The following BPTF variants were observed in gnomAD, a reference collection of about 807,000 sequenced individuals.
The protein encoded by BPTF is bromodomain PHD finger transcription factor.
BPTF carries 18 observed loss-of-function variants against 292.5 expected under a neutral mutation model. The ratio of observed to expected loss-of-function variants is 0.06; its 90% confidence interval spans 0.04 to 0.09. The LOEUF (loss-of-function observed/expected upper bound fraction) is 0.09, where lower values mean the gene tolerates loss of function less well. Ranked by LOEUF, BPTF falls within the 10% of genes least tolerant of loss-of-function variation. The pLI, the probability that BPTF is intolerant of heterozygous loss-of-function variation, is 1.00. For synonymous variants in BPTF, 1,225 were observed against 1,251.9 expected (o/e 0.98, Z 0.45); for missense variants, 2,726 against 3,498.7 (o/e 0.78, Z 5.57).
At chr17:67,840,517 C>G (rs1222037855) in intron 1 of BPTF, among the ~76,000 whole-genome samples, 2 of 151,788 alleles carry the variant, frequency 1.3e-5, no homozygotes, top group Admixed American at 1.3e-4. Context: ...CTCCTCCCCC[C>G]TTCCCCCTTT....
chr17:67,904,559 C>T, intron 8 of BPTF, 143 bp from the exon 9 acceptor site: 4 of 552,154 alleles, frequency 7.2e-6, no homozygotes, highest in Non-Finnish European at 1.2e-5. Context: ...TTTTTTTGTC[C>T]CCACTTGGAA....
Position 67,919,985 on chromosome 17 carries a change from T to TATTGAGTATTTCAGTTA in BPTF, c.5429-27_5429-26insGAGTATTTCAGTTAATT, listed in dbSNP as rs779255460. The TATTGAGTATTTCAGTTA allele has an allele frequency of 1.6e-5, 25 of 1,586,016 alleles. No homozygotes were observed. The African/African-American group carries it at 3.3e-4, about 21-fold the overall frequency. On this transcript the variant is annotated intron_variant, in intron 12 of 27. Transcript: ENST00000306378. Reference sequence around the variant, plus strand: ...TTAGTCTCTGAGTATTTCAGTTGGTTATTAATACTATTGAATTAAATCACC... The same window carrying TATTGAGTATTTCAGTTA: ...TTAGTCTCTGAGTATTTCAGTTGGTTATTGAGTATTTCAGTTAATTAATACTATTGAATTAAATCACC...
intron 23 of BPTF, among the ~76,000 whole-genome samples, chr17:67,949,436 G>T (rs139428019): frequency 6.6e-6 from 1 of 151,698 alleles, no homozygotes; most frequent in Admixed American, 6.6e-5. Context: ...TTAGCTGGGC[G>T]TGGTGGCAGG....
chr17:67,914,581 C>T (rs148549917), intron 11 of BPTF, among the ~76,000 whole-genome samples: 1 of 152,312 alleles, frequency 6.6e-6, no homozygotes, highest in Non-Finnish European at 1.5e-5. Context: ...TTCTTTCCCA[C>T]TGGAAAAGTT....
chr17:67,848,423 C>T (rs2058183746), intron 1 of BPTF, among the ~76,000 whole-genome samples: 1 of 152,110 alleles, frequency 6.6e-6, no homozygotes, highest in Admixed American at 6.6e-5. Flanking sequence ...TAATTGTGCT[C>T]ACGCTGTCAT....
chr17:67,880,332 A>T (rs1329918831), intron 4 of BPTF, among the ~76,000 whole-genome samples: 1 of 151,698 alleles, frequency 6.6e-6, no homozygotes, highest in Non-Finnish European at 1.5e-5. Flanking sequence ...TTGTACTTTT[A>T]TGGATTTTCT....
chr17:67,926,922 T>TC (rs1298431299), intron 15 of BPTF, among the ~76,000 whole-genome samples: 1 of 151,998 alleles, frequency 6.6e-6, no homozygotes, highest in African/African-American at 2.4e-5. Context: ...TTTTTTTTTT[T>TC]CTTTCTTTTT....
intron 2 of BPTF, among the ~76,000 whole-genome samples, chr17:67,861,084 T>C (rs2145266119): frequency 6.6e-6 from 1 of 152,302 alleles, no homozygotes; most frequent in African/African-American, 2.4e-5. Context: ...AAACTCATCG[T>C]TTCCCCCCAT....
At position 67,854,714 on chromosome 17, in the gene BPTF, A is replaced by G. The variant is rs373529800; in HGVS notation, c.1388A>G (p.Tyr463Cys). The G allele has an allele frequency of 9.9e-6, 16 of 1,614,240 alleles. No individual in the cohort carries two copies. Among genetic ancestry groups the G allele is most frequent in the Non-Finnish European group, 1.3e-5 (15 of 1,180,040 alleles). ...TATATTCGACATGAACCTATTGGATATGATAGAAGTCGGAGGAAATACTGG... is the reference window on the plus strand; with the variant it reads ...TATATTCGACATGAACCTATTGGATGTGATAGAAGTCGGAGGAAATACTGG... ...KPYIRHEPIGYDRSRRKYWFL... is the reference protein window; with the variant it reads ...KPYIRHEPIGCDRSRRKYWFL... Residue 463 changes from tyrosine to cysteine, a missense_variant, in exon 2 of 28, where the codon TAT (tyrosine) becomes TGT (cysteine). Transcript: ENST00000306378. This position sits in a 1 kb window ranked among gnomAD's most constrained non-coding sequence, Gnocchi z 5.6.
In BPTF at chr17:67,939,084, A is replaced by G. The variant is rs145670702; in HGVS notation, c.6260-1355A>G. Among the ~76,000 whole-genome samples the G allele has an allele frequency of 2.9e-4, 44 of 152,322 alleles. No individual in the cohort carries two copies. In the East Asian group the frequency reaches 7.9e-3, roughly 27 times the overall value. On this transcript the variant is annotated intron_variant, in intron 18 of 27. Transcript: ENST00000306378. ...ATTGGAATAACCTTTCAAAACTTCA[A>G]CTTAGTACTATATTCCTACTATGAA... is the stretch of plus-strand genomic sequence containing the variant.
intron 4 of BPTF, among the ~76,000 whole-genome samples, chr17:67,881,870 T>TG (rs1567970264): frequency 6.4e-5 from 9 of 140,800 alleles, no homozygotes; most frequent in Middle Eastern, 3.6e-3. Flanking sequence ...TTTTTTTTTT[T>TG]TTTTTTTTTT....
intron 1 of BPTF, among the ~76,000 whole-genome samples, chr17:67,828,671 G>A (rs1312729404): frequency 1.3e-5 from 2 of 152,200 alleles, no homozygotes; most frequent in Non-Finnish European, 2.9e-5. Context: ...TGGGATTAAA[G>A]GCATGCAGCA....
chr17:67,952,736 G>C (rs1332825880), intron 23 of BPTF, among the ~76,000 whole-genome samples: 2 of 152,036 alleles, frequency 1.3e-5, no homozygotes, highest in African/African-American at 4.8e-5. Context: ...TTTACATTAA[G>C]GTTCACTCCT....
At chr17:67,945,266 C>A in intron 20 of BPTF, 143 bp from the exon 21 acceptor site, 1 of 1,423,070 alleles carries the variant, frequency 7.0e-7, no homozygotes. Context: ...ACGATCCTCC[C>A]ACCTCAACGT....
chr17:67,928,315 A>T (rs756497315), intron 15 of BPTF, 40 bp from the exon 16 acceptor site: 1 of 1,562,328 alleles, frequency 6.4e-7, no homozygotes, highest in South Asian at 1.2e-5. Flanking sequence ...TTTTATTTAG[A>T]ACTATTTTGA....
intron 4 of BPTF, among the ~76,000 whole-genome samples, chr17:67,881,737 G>A (rs2060421029): frequency 6.6e-6 from 1 of 151,002 alleles, no homozygotes; most frequent in African/African-American, 2.4e-5. Context: ...TTCTGACCTT[G>A]TGATCTGCCC....
chr17:67,853,114 C>G (rs562014543), intron 1 of BPTF, among the ~76,000 whole-genome samples: 1 of 152,102 alleles, frequency 6.6e-6, no homozygotes, highest in African/African-American at 2.4e-5. Context: ...CCAGCCTAGG[C>G]GACGGCTGTA....
chr17:67,915,548 C>T (rs943335704), intron 11 of BPTF, among the ~76,000 whole-genome samples: 1 of 152,016 alleles, frequency 6.6e-6, no homozygotes, highest in African/African-American at 2.4e-5. Flanking sequence ...TCTCATGCCA[C>T]CTTCATCTCT....
intron 23 of BPTF, among the ~76,000 whole-genome samples, chr17:67,954,323 G>A (rs1784993068): frequency 6.6e-6 from 1 of 151,978 alleles, no homozygotes; most frequent in Admixed American, 6.6e-5. Context: ...ATGAGCCACC[G>A]TACTCGGCCC....
Sources: allele counts gnomAD v4.1 joint callset (sites outside exome capture counted in the v4.1 genomes callset), GRCh38; gene constraint gnomAD v4.1.1; non-coding constraint Gnocchi (gnomAD v3.1); transcripts MANE v1.5; gene names NCBI Gene and HGNC (gene_info 2026-07-23, HGNC 2026-07-21).